The following ADISSP variants were observed in gnomAD, a reference collection of about 807,000 sequenced individuals.
ADISSP encodes the protein adipose-secreted signaling protein.
At chr20:3,755,058 G>C in the ADISSP span, among the ~76,000 whole-genome samples, 2 of 152,216 alleles carry the variant, frequency 1.3e-5, no homozygotes, top group Non-Finnish European at 2.9e-5. Flanking sequence ...CCTGAAGTGA[G>C]CCTGATAGGA....
At chr20:3,762,306 G>A in the ADISSP span, among the ~76,000 whole-genome samples, 1 of 151,974 alleles carries the variant, frequency 6.6e-6, no homozygotes, top group Non-Finnish European at 1.5e-5. Context: ...AAAATAAAAC[G>A]AGGGAGATTA....
the ADISSP span, among the ~76,000 whole-genome samples, chr20:3,763,130 C>T: frequency 7.3e-5 from 11 of 151,674 alleles, no homozygotes; most frequent in Non-Finnish European, 1.5e-4. Flanking sequence ...GTGGTGTGCA[C>T]CTGTAATCCC....
At chr20:3,760,328 C>T in the ADISSP span, 18 of 533,794 alleles carry the variant, frequency 3.4e-5, no homozygotes, top group Non-Finnish European at 5.4e-5. Flanking sequence ...CTCTCTAGCA[C>T]GGGGGCTTCT....
At chr20:3,767,027 C>T in the ADISSP span, among the ~76,000 whole-genome samples, 2 of 152,156 alleles carry the variant, frequency 1.3e-5, no homozygotes, top group Admixed American at 6.5e-5. Flanking sequence ...AGGTGTAGGA[C>T]CCTTTATCCT....
the ADISSP span, among the ~76,000 whole-genome samples, chr20:3,757,901 C>T: frequency 1.3e-5 from 2 of 152,066 alleles, no homozygotes; most frequent in East Asian, 1.9e-4. Context: ...TCTCAATGGG[C>T]CAGACCTCCC....
At chr20:3,754,901 G>A in the ADISSP span, among the ~76,000 whole-genome samples, 1 of 152,186 alleles carries the variant, frequency 6.6e-6, no homozygotes, top group Non-Finnish European at 1.5e-5. Context: ...CAGATCCGAT[G>A]GCAAGAGGTA....
At chr20:3,758,113 C>T in the ADISSP span, among the ~76,000 whole-genome samples, 2 of 152,216 alleles carry the variant, frequency 1.3e-5, no homozygotes, top group Non-Finnish European at 2.9e-5. This position sits in a 1 kb window ranked among gnomAD's most constrained non-coding sequence, Gnocchi z 5.5. Flanking sequence ...CCATAGTTAG[C>T]TTCACACCTG....
At chr20:3,754,633 C>A in the ADISSP span, 2 of 1,113,860 alleles carry the variant, frequency 1.8e-6, no homozygotes, top group South Asian at 1.4e-5. Flanking sequence ...TAAGCCCCCC[C>A]AAGAAAGGGG....
At chr20:3,754,183 GCCATGCTGGCCCCCGGCCCCAC>G in the ADISSP span, 2 of 1,590,338 alleles carry the variant, frequency 1.3e-6, no homozygotes, top group Non-Finnish European at 1.7e-6. Flanking sequence ...GCAAGTCAGT[GCCATGCTGGCCCCCGGCCCCAC>G]CCATGCGGCC....
chr20:3,756,448 G>C, the ADISSP span, among the ~76,000 whole-genome samples: 1 of 23,778 alleles, frequency 4.2e-5, no homozygotes, highest in African/African-American at 1.3e-4. Flanking sequence ...GGGGTGCCAC[G>C]CCAGCAGGCA....
the ADISSP span, chr20:3,754,452 G>A: frequency 1.2e-6 from 2 of 1,614,048 alleles, no homozygotes; most frequent in Non-Finnish European, 1.7e-6. Flanking sequence ...CACCTTCGCA[G>A]GCTAGCAGTA....
chr20:3,765,885 CCG>C, the ADISSP span, among the ~76,000 whole-genome samples: 1 of 151,958 alleles, frequency 6.6e-6, no homozygotes, highest in South Asian at 2.1e-4. Flanking sequence ...TGGTGCCTCC[CCG>C]CCAGCAAAAA....
At chr20:3,764,708 C>G in the ADISSP span, among the ~76,000 whole-genome samples, 3 of 152,240 alleles carry the variant, frequency 2.0e-5, no homozygotes, top group African/African-American at 7.2e-5. Flanking sequence ...CAGGGAGGAG[C>G]TGTGTTTGGT....
the ADISSP span, among the ~76,000 whole-genome samples, chr20:3,766,048 T>C: frequency 6.6e-6 from 1 of 152,130 alleles, no homozygotes; most frequent in African/African-American, 2.4e-5. Context: ...GTCCCCATTC[T>C]CATTGTGGTT....
At chr20:3,758,786 A>G in the ADISSP span, 1 of 1,064,160 alleles carries the variant, frequency 9.4e-7, no homozygotes, top group Non-Finnish European at 1.4e-6. The surrounding 1 kb of genome is among the most constrained non-coding windows in gnomAD (Gnocchi z 5.5). Flanking sequence ...TCCAGCTCCC[A>G]CTGGCTGGGC....
At chr20:3,760,007 C>T in the ADISSP span, 2 of 1,609,476 alleles carry the variant, frequency 1.2e-6, no homozygotes, top group Middle Eastern at 1.7e-4. Flanking sequence ...CGGGCCCTAC[C>T]TGCAGCAATG....
At chr20:3,755,104 G>A in the ADISSP span, among the ~76,000 whole-genome samples, 1 of 152,180 alleles carries the variant, frequency 6.6e-6, no homozygotes, top group South Asian at 2.1e-4. Context: ...GGACTGGTGG[G>A]TGCTAGGAGT....
the ADISSP span, among the ~76,000 whole-genome samples, chr20:3,766,059 C>T: frequency 1.3e-5 from 2 of 152,188 alleles, no homozygotes; most frequent in African/African-American, 4.8e-5. Flanking sequence ...CATTGTGGTT[C>T]GAGGTCTTTC....
the ADISSP span, chr20:3,760,134 C>T: frequency 6.5e-7 from 1 of 1,539,840 alleles, no homozygotes; most frequent in Non-Finnish European, 8.9e-7. Context: ...TCCTGCCAGA[C>T]ACCGCCACTC....
Sources: allele counts gnomAD v4.1 joint callset (sites outside exome capture counted in the v4.1 genomes callset), GRCh38; gene constraint gnomAD v4.1.1; non-coding constraint Gnocchi (gnomAD v3.1); transcripts MANE v1.5; gene names NCBI Gene and HGNC (gene_info 2026-07-23, HGNC 2026-07-21).